UBE2K: variants seen among roughly 807,000 people sequenced by gnomAD.
UBE2K encodes ubiquitin-conjugating enzyme E2 K.
UBE2K carries 6 observed loss-of-function variants against 30.0 expected under a neutral mutation model. That is an observed-to-expected ratio of 0.20 (90% CI 0.11 to 0.39). The LOEUF is 0.39. Ranked by LOEUF, UBE2K falls within the 10% of genes least tolerant of loss-of-function variation. The pLI, the probability that UBE2K is intolerant of heterozygous loss-of-function variation, is 1.00. For missense variants in UBE2K, 61 were observed against 241.6 expected (o/e 0.25, Z 4.96); for synonymous variants, 86 against 83.7 (o/e 1.03, Z -0.15).
intron 1 of UBE2K, among the ~76,000 whole-genome samples, chr4:39,706,596 C>T (rs1304543791): frequency 6.6e-6 from 1 of 151,116 alleles, no homozygotes; most frequent in African/African-American, 2.4e-5. Context: ...CTCAGCCTAC[C>T]AAGTAGCTGG....
intron 4 of UBE2K, among the ~76,000 whole-genome samples, chr4:39,771,719 T>G (rs1712881188): frequency 6.6e-6 from 1 of 152,120 alleles, no homozygotes; most frequent in Non-Finnish European, 1.5e-5. Flanking sequence ...AGTTTCTGAT[T>G]CAGTAGCTCT....
At chr4:39,753,259 G>A (rs1206614230) in intron 3 of UBE2K, among the ~76,000 whole-genome samples, 1 of 152,102 alleles carries the variant, frequency 6.6e-6, no homozygotes, top group Admixed American at 6.6e-5. Flanking sequence ...GTGTGGTGGT[G>A]TGTGCCTATA....
At chr4:39,758,659 C>T (rs989322691) in intron 4 of UBE2K, among the ~76,000 whole-genome samples, 1 of 151,216 alleles carries the variant, frequency 6.6e-6, no homozygotes, top group African/African-American at 2.4e-5. Flanking sequence ...GCCTGGGCGA[C>T]GGAGTGAGAC....
At chr4:39,711,232 G>A (rs1387438113) in intron 1 of UBE2K, among the ~76,000 whole-genome samples, 2 of 140,718 alleles carry the variant, frequency 1.4e-5, no homozygotes, top group Admixed American at 7.3e-5. Flanking sequence ...GTGTGATCTC[G>A]GCTCACTGCA....
chr4:39,771,543 A>C (rs1330723458), intron 4 of UBE2K, among the ~76,000 whole-genome samples: 1 of 151,808 alleles, frequency 6.6e-6, no homozygotes, highest in African/African-American at 2.4e-5. Flanking sequence ...ACACGGGCAG[A>C]GCCAGGGCAG....
At chr4:39,714,935 C>T (rs1387180750) in intron 1 of UBE2K, among the ~76,000 whole-genome samples, 4 of 151,600 alleles carry the variant, frequency 2.6e-5, no homozygotes, top group African/African-American at 7.3e-5. Context: ...CTCTGCAGCC[C>T]GGAACTCCTG....
intron 1 of UBE2K, among the ~76,000 whole-genome samples, chr4:39,727,918 T>C (rs1202000810): frequency 2.0e-5 from 3 of 151,878 alleles, no homozygotes; most frequent in Admixed American, 2.0e-4. Context: ...GATCATAAGG[T>C]CAGGAGTTCG....
intron 1 of UBE2K, among the ~76,000 whole-genome samples, chr4:39,733,051 G>GAAAA (rs59978380): frequency 8.7e-4 from 84 of 96,958 alleles, no homozygotes; most frequent in Non-Finnish European, 1.3e-3. Context: ...GGAACATCAG[G>GAAAA]AAAAAAAAAA....
At chr4:39,752,553 G>C (rs60807499) in intron 3 of UBE2K, among the ~76,000 whole-genome samples, 28,743 of 151,710 alleles carry the variant, frequency 0.19, 2,754 homozygotes, top group South Asian at 0.25. Flanking sequence ...AGCCAGGATG[G>C]TCTCAATCTC....
At chr4:39,755,784 C>G (rs922032234) in intron 4 of UBE2K, 45 bp downstream of exon 4, 1 of 1,376,254 alleles carries the variant, frequency 7.3e-7, no homozygotes, top group Non-Finnish European at 1.0e-6. Context: ...ATATGAATAC[C>G]AAGACTGTAA....
intron 3 of UBE2K, among the ~76,000 whole-genome samples, chr4:39,754,883 C>CAG (rs1560369319): frequency 6.6e-6 from 1 of 152,130 alleles, no homozygotes; most frequent in African/African-American, 2.4e-5. Context: ...TGGTCATTGT[C>CAG]ATATGTGTCA....
At chr4:39,760,037 G>A (rs535622423) in intron 4 of UBE2K, among the ~76,000 whole-genome samples, 2 of 151,874 alleles carry the variant, frequency 1.3e-5, no homozygotes, top group South Asian at 4.2e-4. Flanking sequence ...TTAGCCAGGC[G>A]TGGGTGGTGG....
chr4:39,698,881 AGT>A (rs1400245099), intron 1 of UBE2K, among the ~76,000 whole-genome samples: 1 of 152,210 alleles, frequency 6.6e-6, no homozygotes, highest in African/African-American at 2.4e-5. Context: ...GGGAAGGAGC[AGT>A]GAGTCCTTAG....
rs1713448443 is a variant in UBE2K, at chr4:39,779,048, CCCA to C, written c.*617_*619del. 1 of 145,588 alleles carries C rather than the reference CCCA, an allele frequency of 6.9e-6. No individual in the cohort carries two copies. Among genetic ancestry groups the C allele is most frequent in the African/African-American group, 2.6e-5 (1 of 39,094 alleles). 9.0% of individuals were successfully genotyped at this position (145,588 alleles called of 1,614,324 possible). On this transcript the variant is annotated 3_prime_UTR_variant, in exon 7 of 7. Transcript: ENST00000261427. ...AGTGTCTGATTCCCCCTTCACCCCC[CCCA>C]CCCCCGCCTTGCCACACACAGCTAA...
intron 1 of UBE2K, among the ~76,000 whole-genome samples, chr4:39,699,418 G>C (rs1180816031): frequency 1.3e-5 from 2 of 152,100 alleles, no homozygotes; most frequent in Admixed American, 1.3e-4. Context: ...TTTCAAAAAA[G>C]TTGCCTCCCG....
intron 1 of UBE2K, among the ~76,000 whole-genome samples, chr4:39,709,561 TTG>T (rs1332506164): frequency 6.6e-6 from 1 of 152,198 alleles, no homozygotes; most frequent in African/African-American, 2.4e-5. Flanking sequence ...TGTTAATCTC[TTG>T]TGTTTAATTT....
intron 1 of UBE2K, among the ~76,000 whole-genome samples, chr4:39,733,896 TTAAAG>T (rs1287914267): frequency 6.6e-6 from 1 of 152,172 alleles, no homozygotes; most frequent in Non-Finnish European, 1.5e-5. Flanking sequence ...TTCCTGACTC[TTAAAG>T]TAAGACTTTA....
At chr4:39,721,526 A>G (rs767159747) in intron 1 of UBE2K, among the ~76,000 whole-genome samples, 5 of 151,296 alleles carry the variant, frequency 3.3e-5, no homozygotes, top group African/African-American at 1.2e-4. Context: ...GCTAATTTTC[A>G]TATTTTTTTT....
At chr4:39,703,329 TAGTG>T (rs930960743) in intron 1 of UBE2K, among the ~76,000 whole-genome samples, 1 of 151,854 alleles carries the variant, frequency 6.6e-6, no homozygotes, top group Admixed American at 6.6e-5. Flanking sequence ...CTGGGCAACA[TAGTG>T]AGAGTTTGTT....
Sources: allele counts gnomAD v4.1 joint callset (sites outside exome capture counted in the v4.1 genomes callset), GRCh38; gene constraint gnomAD v4.1.1; transcripts MANE v1.5; gene names NCBI Gene and HGNC (gene_info 2026-07-23, HGNC 2026-07-21).